Variants in KIF7 observed in about 807,000 individuals in gnomAD.
KIF7 encodes the protein kinesin family member 7.
KIF7 carries 104 observed loss-of-function variants against 135.7 expected under a neutral mutation model. That is an observed-to-expected ratio of 0.77 (90% CI 0.65 to 0.90). The LOEUF (loss-of-function observed/expected upper bound fraction) is 0.90. KIF7 is among the 40% of genes least tolerant of loss of function. The pLI is 0.00. For synonymous variants in KIF7, 883 were observed against 809.4 expected, an observed-to-expected ratio of 1.09 and a Z score of -1.54; for missense variants, 2,005 against 1,839.1, an observed-to-expected ratio of 1.09 and a Z score of -1.65.
At chr15:89,626,648 A>C (rs1963533156), downstream of KIF7, among the ~76,000 whole-genome samples, 1 of 152,158 alleles carries the variant, frequency 6.6e-6, no homozygotes, top group Non-Finnish European at 1.5e-5. Flanking sequence ...GATATAAATC[A>C]TGCAAAACAG....
chr15:89,628,343 C>A lies in KIF7; in HGVS notation c.*76G>T, dbSNP rs1963578245. ...AGGGTGTGCGGTAAGGACTGCCCTT[C>A]ACAGAAGCAAAACAGGCAGCTGCCC... On this transcript the variant is annotated 3_prime_UTR_variant, in exon 19 of 19. Coordinates refer to ENST00000394412, the MANE Select transcript of KIF7 (RefSeq NM_198525.3). 2 of 1,529,580 alleles carry A rather than the reference C, an allele frequency of 1.3e-6. No homozygotes were observed. Among genetic ancestry groups the A allele is most frequent in the Non-Finnish European group, 1.8e-6 (2 of 1,139,308 alleles). The allele number at this position is 1,529,580 out of a possible 1,614,324, so 94.8% of individuals were successfully genotyped here.
intron 10 of KIF7, among the ~76,000 whole-genome samples, chr15:89,643,102 C>A (rs1963951994): frequency 6.6e-6 from 1 of 152,094 alleles, no homozygotes; most frequent in Non-Finnish European, 1.5e-5. Context: ...GGACATTCAG[C>A]AGGATGACTG....
At chr15:89,657,541 T>A (rs1246102132), upstream of KIF7, among the ~76,000 whole-genome samples, 1 of 152,202 alleles carries the variant, frequency 6.6e-6, no homozygotes, top group Non-Finnish European at 1.5e-5. Context: ...TATGCAACAA[T>A]CTGGTGTGTA....
At chr15:89,624,014 A>G (rs1160055366), downstream of KIF7, 2 of 1,613,894 alleles carry the variant, frequency 1.2e-6, no homozygotes, top group African/African-American at 2.7e-5. Flanking sequence ...TCGACTGCCC[A>G]GCCCAGGAGA....
chr15:89,633,678 A>C lies in KIF7; in HGVS notation c.2592+8T>G. The stretch of plus-strand genomic sequence containing the variant: ...GACAGAAGGTCCCCACCCTGCCGTG[A>C]GCCTGACCTTGACGCGGTGCTGCCG... On this transcript the variant is annotated splice_region_variant and intron_variant, in intron 12 of 18. Transcript: ENST00000394412. 6.2e-7 allele frequency: 1 copy of C among 1,605,974 alleles called. No individual in the cohort carries two copies. The highest frequency in any genetic ancestry group is 8.5e-7 in the Non-Finnish European group (1 of 1,179,656).
intron 14 of KIF7, 77 bp from the exon 15 acceptor site, chr15:89,631,787 A>G: frequency 3.1e-6 from 4 of 1,294,002 alleles, no homozygotes; most frequent in Non-Finnish European, 4.3e-6. Context: ...GCCGGATGTT[A>G]AGGAGGACTT....
intron 7 of KIF7, 107 bp downstream of exon 7, chr15:89,646,723 C>T: frequency 9.8e-7 from 1 of 1,019,864 alleles, no homozygotes; most frequent in Non-Finnish European, 1.5e-6. Flanking sequence ...ACAGCCAGTC[C>T]CATGAAAGCA....
chr15:89,622,391 A>C (rs1490521485), intron 1 of KIF7, among the ~76,000 whole-genome samples: 1 of 152,200 alleles, frequency 6.6e-6, no homozygotes, highest in Non-Finnish European at 1.5e-5. Context: ...CTCAAAGGGA[A>C]ATCCTCCACC....
chr15:89,631,637 C>T lies in KIF7; in HGVS notation c.2969G>A (p.Gly990Glu), dbSNP rs1963679806. 1 of 1,562,360 alleles carries T rather than the reference C, an allele frequency of 6.4e-7. No homozygotes were observed. ...CTGGGCGCTGCCCTGCCGCAGCTGC[C>T]CGCTCTTCTCGGACAGCTCCTTCTC... ...HLEKELSEKSGQLRQGSAQSQ... is the reference protein window; with the variant it reads ...HLEKELSEKSEQLRQGSAQSQ... The change falls in exon 15 of 19, where the codon GGG becomes GAG. Residue 990 changes from glycine to glutamate, a missense_variant. Coordinates refer to ENST00000394412, the MANE Select transcript of KIF7 (RefSeq NM_198525.3).
In KIF7 at chr15:89,628,992, A is replaced by G; in HGVS notation, c.3648T>C (p.Ala1216=). The G allele has an allele frequency of 1.2e-6, 2 of 1,613,822 alleles. No individual in the cohort carries two copies. The highest frequency in any genetic ancestry group is 1.7e-5 in the Admixed American group (1 of 59,998). ...ELKQKLGGVN[A]VGHSRGGEKR... ...AGGAGTTACCCCTGCTGTGGCCTAC[A>G]GCGTTCACACCGCCGAGCTTCTGTT... Residue 1216 remains alanine (A), a synonymous_variant, in exon 18 of 19, where the codon GCT becomes GCC. Coordinates refer to ENST00000394412, the MANE Select transcript of KIF7 (RefSeq NM_198525.3).
chr15:89,629,661 T>C (rs1963629713), intron 16 of KIF7, 88 bp from the exon 17 acceptor site: 1 of 1,550,462 alleles, frequency 6.4e-7, no homozygotes, highest in African/African-American at 1.3e-5. Flanking sequence ...ATTGGCACAC[T>C]TGCCACCACG....
chr15:89,655,768 G>GCACGCCACTCA (rs1250462439), upstream of KIF7, among the ~76,000 whole-genome samples: 1 of 152,180 alleles, frequency 6.6e-6, no homozygotes, highest in African/African-American at 2.4e-5. Flanking sequence ...CACGCCTCCT[G>GCACGCCACTCA]CACGCCACTC....
downstream of KIF7, chr15:89,623,574 A>C (rs755573200): frequency 6.5e-7 from 1 of 1,537,472 alleles, no homozygotes; most frequent in Non-Finnish European, 8.8e-7. Flanking sequence ...CACTTCAGAG[A>C]TCATGAGTTA....
intron 11 of KIF7, among the ~76,000 whole-genome samples, chr15:89,637,589 C>G (rs1489409415): frequency 8.7e-5 from 13 of 149,460 alleles, no homozygotes; most frequent in African/African-American, 2.7e-4. Flanking sequence ...ATAAATTCCT[C>G]GACACATACA....
intron 1 of KIF7, among the ~76,000 whole-genome samples, chr15:89,653,833 C>T (rs188476059): frequency 6.6e-6 from 1 of 151,684 alleles, no homozygotes; most frequent in East Asian, 1.9e-4. Context: ...GTCTTGAACT[C>T]CTGGGCTCAA....
chr15:89,656,273 C>T (rs1327181807), upstream of KIF7, among the ~76,000 whole-genome samples: 4 of 151,782 alleles, frequency 2.6e-5, no homozygotes, highest in African/African-American at 4.8e-5. Flanking sequence ...TGTGTTATCT[C>T]GGGGAACAGT....
intron 16 of KIF7, 119 bp downstream of exon 16, chr15:89,630,168 T>G (rs544509331): frequency 6.4e-6 from 6 of 940,840 alleles, no homozygotes; most frequent in Non-Finnish European, 9.9e-6. Flanking sequence ...GATGAGTTGG[T>G]CCTGATTCTG....
At position 89,629,079 on chromosome 15, in the gene KIF7, C is replaced by T. The variant is rs1168295305; in HGVS notation, c.3561G>A (p.Glu1187=). 3 of 1,613,052 alleles carry T rather than the reference C, an allele frequency of 1.9e-6. No individual in the cohort carries two copies. The highest frequency in any genetic ancestry group is 1.3e-5 in the African/African-American group (1 of 74,420). The change falls in exon 18 of 19, where the codon GAG becomes GAA. Residue 1187 remains glutamate, a synonymous_variant. Transcript: ENST00000394412. ...EGLADSRRQY[E]ARIQALEKEL... Reference sequence around the variant, plus strand: ...CCTTCTCCAGAGCTTGAATCCGGGCCTCATACTGCCTCCTGCTGTCTGCTA... The same window carrying T: ...CCTTCTCCAGAGCTTGAATCCGGGCTTCATACTGCCTCCTGCTGTCTGCTA...
chr15:89,633,674 C>G lies in KIF7; in HGVS notation c.2592+12G>C. 6.2e-7 allele frequency: 1 copy of G among 1,605,166 alleles called. No individual in the cohort carries two copies. Among genetic ancestry groups the G allele is most frequent in the Non-Finnish European group, 8.5e-7 (1 of 1,179,490 alleles). On this transcript the variant is annotated intron_variant, in intron 12 of 18. Transcript: ENST00000394412. ...CCTGGACAGAAGGTCCCCACCCTGC[C>G]GTGAGCCTGACCTTGACGCGGTGCT...
Sources: gnomAD v4.1 joint callset for allele counts (sites outside exome capture counted in the v4.1 genomes callset) on GRCh38, gnomAD v4.1.1 for gene constraint, MANE v1.5 for transcripts, NCBI Gene and HGNC (gene_info 2026-07-23, HGNC 2026-07-21) for gene names.